ZMYND11: variants seen among roughly 807,000 people sequenced by gnomAD.
ZMYND11 encodes the protein zinc finger MYND-type containing 11.
ZMYND11 carries 9 observed loss-of-function variants against 84.9 expected under a neutral mutation model. The ratio of observed to expected loss-of-function variants is 0.11; its 90% CI spans 0.06 to 0.18. The LOEUF is 0.18. Ranked by LOEUF, ZMYND11 falls within the 10% of genes least tolerant of loss-of-function variation. ZMYND11 has a pLI of 1.00. For missense variants in ZMYND11, 409 were observed against 761.0 expected, an observed-to-expected ratio of 0.54 and a Z score of 5.44; for synonymous variants, 250 against 244.1, an observed-to-expected ratio of 1.02 and a Z score of -0.23.
At chr10:212,178 A>AGTT (rs1426150045) in intron 3 of ZMYND11, among the ~76,000 whole-genome samples, 1 of 152,050 alleles carries the variant, frequency 6.6e-6, no homozygotes, top group Admixed American at 6.6e-5. Flanking sequence ...CTCAAGTTGA[A>AGTT]GTTTTTTTGT....
chr10:152,107 A>C (rs1840524751), intron 1 of ZMYND11, among the ~76,000 whole-genome samples: 1 of 152,218 alleles, frequency 6.6e-6, no homozygotes, highest in South Asian at 2.1e-4. Context: ...GTCACTGCAA[A>C]AACATGCCAA....
At chr10:137,490 G>T (rs1400679804) in intron 1 of ZMYND11, among the ~76,000 whole-genome samples, 2 of 152,174 alleles carry the variant, frequency 1.3e-5, no homozygotes, top group Non-Finnish European at 2.9e-5. Context: ...TTGTTTTCCT[G>T]TAAACTGAGA....
chr10:249,341 A>G (rs1952850251), intron 14 of ZMYND11: 14 of 1,233,434 alleles, frequency 1.1e-5, no homozygotes, highest in Non-Finnish European at 1.3e-5. Context: ...CATATTTATT[A>G]CAATTAACTT....
At chr10:236,760 CAT>C (rs781080236) in intron 4 of ZMYND11, 76 bp from the exon 5 acceptor site, 406 of 1,237,906 alleles carry the variant, frequency 3.3e-4, no homozygotes, top group Non-Finnish European at 3.9e-4. Flanking sequence ...CTAAGTGTTT[CAT>C]ATATGTCTTT....
At chr10:224,981 GA>G (rs1469127820) in intron 4 of ZMYND11, among the ~76,000 whole-genome samples, 1 of 151,938 alleles carries the variant, frequency 6.6e-6, no homozygotes, top group African/African-American at 2.4e-5. Context: ...TTATTTTCCT[GA>G]AATAGCCATG....
chr10:248,909 T>C lies in ZMYND11; in HGVS notation c.1507T>C (p.Ser503Pro). ...VVREALEKLR[S>P]EMEEEKRQAV... Reference sequence around the variant, plus strand: ...GGTTGTCTTTTCATTCCAGCTGCGTTCTGAAATGGAAGAAGAAAAGAGACA... The same window carrying C: ...GGTTGTCTTTTCATTCCAGCTGCGTCCTGAAATGGAAGAAGAAAAGAGACA... The change falls in exon 14 of 15, where the codon TCT becomes CCT. Residue 503 changes from serine to proline, a missense_variant. Transcript: ENST00000381604. 1 of 1,610,316 alleles carries C rather than the reference T, an allele frequency of 6.2e-7. No individual in the cohort carries two copies. The highest frequency in any genetic ancestry group is 8.5e-7 in the Non-Finnish European group (1 of 1,177,962).
At position 254,424 on chromosome 10, in the gene ZMYND11, A is replaced by AATTG. The variant is rs1323279513; in HGVS notation, c.*1959_*1962dup. The AATTG allele has an allele frequency of 1.3e-5, 2 of 152,670 alleles. No individual in the cohort carries two copies. The highest frequency in any genetic ancestry group is 2.9e-5 in the Non-Finnish European group (2 of 68,052). The allele number at this position is 152,670 out of a possible 1,614,324, so 9.5% of individuals were successfully genotyped here. A position where few individuals can be genotyped will look rare whatever the true frequency, so the allele number is the denominator to read the frequency against. Reference sequence around the variant, plus strand: ...TTGTAAAAGTTTTAGGTAAAATTACAATTGATTGTTTTAGGAATCATTATT... The same window carrying AATTG: ...TTGTAAAAGTTTTAGGTAAAATTACAATTGATTGATTGTTTTAGGAATCATTATT... On this transcript the variant is annotated 3_prime_UTR_variant, in exon 15 of 15. Coordinates refer to ENST00000381604, the MANE Select transcript of ZMYND11 (RefSeq NM_001370100.5).
At chr10:185,514 G>A (rs1938046831) in intron 2 of ZMYND11, among the ~76,000 whole-genome samples, 1 of 144,974 alleles carries the variant, frequency 6.9e-6, no homozygotes, top group Non-Finnish European at 1.5e-5. Context: ...AAAAAAGCGT[G>A]GTGGGGGTGG....
rs1373885093 is a variant in ZMYND11 at position 239,467 on chromosome 10, T to C, written c.639T>C (p.Tyr213=). Residue 213 remains tyrosine (Y), a synonymous_variant, in exon 7 of 15, where the codon TAT becomes TAC. Transcript: ENST00000381604. The part of the protein sequence containing the change: ...EKVNEGKYRS[Y]EEFKADAQLL... ...TGAATGAAGGGAAATACCGAAGTTA[T>C]GAAGAGTTCAAAGCTGATGCCCAAT... The C allele has an allele frequency of 6.2e-7, 1 of 1,613,804 alleles. No individual in the cohort carries two copies. Among genetic ancestry groups the C allele is most frequent in the Non-Finnish European group, 8.5e-7 (1 of 1,179,832 alleles).
chr10:242,826 AATTT>A (rs1951304035), intron 10 of ZMYND11, among the ~76,000 whole-genome samples: 1 of 152,194 alleles, frequency 6.6e-6, no homozygotes, highest in African/African-American at 2.4e-5. Flanking sequence ...TCATTAATTT[AATTT>A]AAACAGAAGT....
intron 3 of ZMYND11, among the ~76,000 whole-genome samples, chr10:213,408 C>G (rs957785789): frequency 1.8e-4 from 27 of 152,142 alleles, no homozygotes; most frequent in African/African-American, 6.5e-4. Context: ...TCTCTAAAAA[C>G]TTGACTTTTT....
intron 2 of ZMYND11, among the ~76,000 whole-genome samples, chr10:183,083 A>G (rs1006923578): frequency 6.6e-6 from 1 of 152,194 alleles, no homozygotes; most frequent in African/African-American, 2.4e-5. Flanking sequence ...GTTTTTGTCA[A>G]GCATTAAAAG....
At chr10:251,305 G>C (rs1159192164) in intron 14 of ZMYND11, among the ~76,000 whole-genome samples, 2 of 152,140 alleles carry the variant, frequency 1.3e-5, no homozygotes, top group Non-Finnish European at 2.9e-5. Flanking sequence ...GGGTGGCACA[G>C]ACCCCAGATG....
At chr10:250,379 C>T (rs1953174450) in intron 14 of ZMYND11, among the ~76,000 whole-genome samples, 1 of 152,210 alleles carries the variant, frequency 6.6e-6, no homozygotes, top group Admixed American at 6.5e-5. Flanking sequence ...CCCGTAGTCC[C>T]AGTGCTTTGG....
At chr10:196,332 G>A (rs914770097) in intron 2 of ZMYND11, among the ~76,000 whole-genome samples, 1 of 152,070 alleles carries the variant, frequency 6.6e-6, no homozygotes, top group Non-Finnish European at 1.5e-5. Flanking sequence ...GTTATCAAGA[G>A]GAATTTTATA....
At chr10:152,782 C>G (rs992800222) in intron 1 of ZMYND11, among the ~76,000 whole-genome samples, 1 of 152,242 alleles carries the variant, frequency 6.6e-6, no homozygotes, top group Non-Finnish European at 1.5e-5. Context: ...CCACGTTGCA[C>G]TTATTCCAAA....
upstream of ZMYND11, among the ~76,000 whole-genome samples, chr10:130,384 C>T (rs1403561607): frequency 6.6e-6 from 1 of 152,080 alleles, no homozygotes; most frequent in Non-Finnish European, 1.5e-5. Flanking sequence ...GCTGTGTGCT[C>T]GACTACGGGA....
rs140274220 is a variant in ZMYND11, at chr10:232,887, C to T, written c.439-3951C>T. On this transcript the variant is annotated intron_variant, in intron 4 of 14. Transcript: ENST00000381604. ...AGTATTCCTCTTTGTGCAGTAAAGTCGATTGAGAGCATCCTAGAGCTGGTA... is the reference window on the plus strand; with the variant it reads ...AGTATTCCTCTTTGTGCAGTAAAGTTGATTGAGAGCATCCTAGAGCTGGTA... Among the ~76,000 whole-genome samples, 719 of 152,228 alleles carry T rather than the reference C, an allele frequency of 4.7e-3. 5 individuals carry two copies. The highest frequency in any genetic ancestry group is 0.016 in the African/African-American group (672 of 41,532).
chr10:191,029 A>G (rs2130909802), intron 2 of ZMYND11, among the ~76,000 whole-genome samples: 1 of 152,232 alleles, frequency 6.6e-6, no homozygotes, highest in African/African-American at 2.4e-5. Flanking sequence ...TAGTGTGAGG[A>G]GTAGTAATTG....
Sources: gnomAD v4.1 joint callset for allele counts (sites outside exome capture counted in the v4.1 genomes callset) on GRCh38, gnomAD v4.1.1 for gene constraint, MANE v1.5 for transcripts, NCBI Gene and HGNC (gene_info 2026-07-23, HGNC 2026-07-21) for gene names.